The following PRELID2 variants were observed in gnomAD, a reference collection of about 807,000 sequenced individuals.
PRELID2 encodes PRELI domain-containing protein 2.
A neutral mutation model predicts 28.4 loss-of-function variants in PRELID2; 25 were observed. The ratio of observed to expected loss-of-function variants is 0.88; its 90% CI spans 0.64 to 1.23. The LOEUF (loss-of-function observed/expected upper bound fraction) is 1.23. Ranked by LOEUF, PRELID2 falls within the 50% of genes most tolerant of loss-of-function variation. The pLI is 0.00. For missense variants in PRELID2, 201 were observed against 214.4 expected (o/e 0.94, Z 0.39); for synonymous variants, 76 against 71.6 (o/e 1.06, Z -0.31).
intron 4 of PRELID2, among the ~76,000 whole-genome samples, chr5:145,815,794 C>A (rs910350839): frequency 6.6e-6 from 1 of 152,162 alleles, no homozygotes; most frequent in Non-Finnish European, 1.5e-5. Context: ...TTACATTGGG[C>A]TACATATTTA....
intron 5 of PRELID2, among the ~76,000 whole-genome samples, chr5:145,779,386 T>C (rs891663841): frequency 6.6e-6 from 1 of 152,138 alleles, no homozygotes; most frequent in African/African-American, 2.4e-5. Flanking sequence ...TTTCACATGG[T>C]GTCATTTATA....
intron 1 of PRELID2, among the ~76,000 whole-genome samples, chr5:145,669,024 T>C (rs951601110): frequency 6.6e-6 from 1 of 152,078 alleles, no homozygotes; most frequent in Non-Finnish European, 1.5e-5. Context: ...AGACAGAAAC[T>C]TTCCTCAGAC....
chr5:145,803,667 A>T lies in PRELID2; in HGVS notation c.369-7120T>A, dbSNP rs192849663. 1.5e-4 allele frequency among the ~76,000 whole-genome samples: 23 copies of T among 152,142 alleles called. No individual in the cohort carries two copies. In the East Asian group the frequency reaches 4.4e-3, roughly 29 times the overall value. On this transcript the variant is annotated intron_variant, in intron 4 of 6. Coordinates refer to ENST00000683046, the MANE Select transcript of PRELID2 (RefSeq NM_205846.3). ...GTGTAAGCACCCAACAAATGTGAGTAAACAGTACTAACATTAGTAATAATT... is the reference window on the plus strand; with the variant it reads ...GTGTAAGCACCCAACAAATGTGAGTTAACAGTACTAACATTAGTAATAATT...
chr5:145,422,374 C>G, the PRELID2 span, among the ~76,000 whole-genome samples: 6 of 152,096 alleles, frequency 3.9e-5, no homozygotes, highest in Admixed American at 3.9e-4. Flanking sequence ...GTCTAAGTCT[C>G]TTTGTAGGTC....
At chr5:145,354,392 G>A in the PRELID2 span, among the ~76,000 whole-genome samples, 7 of 152,100 alleles carry the variant, frequency 4.6e-5, no homozygotes, top group Non-Finnish European at 1.0e-4. Flanking sequence ...TGACAGAGGA[G>A]CTATGAGGTA....
Position 145,790,891 on chromosome 5 carries a change from G to GTATATATATATA in PRELID2, c.474+5539_474+5550dup, listed in dbSNP as rs3038407. Reference sequence around the variant, plus strand: ...ATTAATCCAGCAATTTCACTTCTGGGTATATATATATATATATATACCAAA... The same window carrying GTATATATATATA: ...ATTAATCCAGCAATTTCACTTCTGGGTATATATATATATATATATATATATATATATACCAAA... On this transcript the variant is annotated intron_variant, in intron 5 of 6. Transcript: ENST00000683046. 6.7e-4 allele frequency among the ~76,000 whole-genome samples: 95 copies of GTATATATATATA among 141,406 alleles called. No individual in the cohort carries two copies. The East Asian group carries it at 0.014, about 21-fold the overall frequency. 92.8% of individuals were successfully genotyped at this position (141,406 alleles called of 152,430 possible).
chr5:145,785,192 T>C (rs933862735), intron 5 of PRELID2, among the ~76,000 whole-genome samples: 4 of 152,184 alleles, frequency 2.6e-5, no homozygotes, highest in African/African-American at 9.7e-5. Flanking sequence ...AAAATGGGGT[T>C]TATGATCACT....
the PRELID2 span, among the ~76,000 whole-genome samples, chr5:145,357,379 G>A: frequency 6.6e-6 from 1 of 152,116 alleles, no homozygotes; most frequent in African/African-American, 2.4e-5. Flanking sequence ...ATGCCAATGA[G>A]TCATAGATTT....
chr5:145,566,559 G>A (rs148930785), intron 1 of PRELID2, among the ~76,000 whole-genome samples: 1 of 152,132 alleles, frequency 6.6e-6, no homozygotes, highest in African/African-American at 2.4e-5. Context: ...AGTGAAAAAG[G>A]CCCCACATGG....
chr5:145,774,544 A>C (rs1758295384), intron 5 of PRELID2, among the ~76,000 whole-genome samples: 1 of 152,206 alleles, frequency 6.6e-6, no homozygotes, highest in South Asian at 2.1e-4. Context: ...CTATCTGACT[A>C]GGGGCCCCTC....
At chr5:145,673,089 G>C (rs185390257) in intron 1 of PRELID2, among the ~76,000 whole-genome samples, 6 of 152,232 alleles carry the variant, frequency 3.9e-5, no homozygotes, top group Middle Eastern at 3.4e-3. Context: ...CTTTAGAAGA[G>C]AGAGAACCAC....
chr5:145,427,473 C>T, the PRELID2 span, among the ~76,000 whole-genome samples: 2 of 152,092 alleles, frequency 1.3e-5, no homozygotes, highest in Admixed American at 6.6e-5. Flanking sequence ...TTTAAACATA[C>T]CCCTTGGAAT....
At chr5:145,465,386 C>T in the PRELID2 span, among the ~76,000 whole-genome samples, 7 of 152,080 alleles carry the variant, frequency 4.6e-5, no homozygotes, top group African/African-American at 1.2e-4. Flanking sequence ...AAATTAAATG[C>T]GTAAGAGTTG....
At chr5:145,521,791 C>T (rs1343959565) in intron 1 of PRELID2, among the ~76,000 whole-genome samples, 1 of 152,052 alleles carries the variant, frequency 6.6e-6, no homozygotes, top group Non-Finnish European at 1.5e-5. Context: ...ACTTTACTTC[C>T]CCAATGCCAA....
chr5:145,261,005 G>A, the PRELID2 span, among the ~76,000 whole-genome samples: 4 of 152,166 alleles, frequency 2.6e-5, no homozygotes, highest in Admixed American at 1.3e-4. Flanking sequence ...CTTGTGGGCT[G>A]TGGGCTGCAT....
intron 1 of PRELID2, among the ~76,000 whole-genome samples, chr5:145,724,201 T>G (rs1344501644): frequency 6.6e-6 from 1 of 152,088 alleles, no homozygotes; most frequent in Non-Finnish European, 1.5e-5. Context: ...ACAGCTTCAG[T>G]AACGGTATAA....
intron 5 of PRELID2, among the ~76,000 whole-genome samples, chr5:145,770,248 T>C (rs1461845633): frequency 1.3e-5 from 2 of 152,028 alleles, no homozygotes; most frequent in Non-Finnish European, 2.9e-5. Flanking sequence ...AAATTAACTA[T>C]AGGGCCAGGC....
the PRELID2 span, among the ~76,000 whole-genome samples, chr5:145,344,769 T>A: frequency 3.3e-5 from 5 of 152,108 alleles, no homozygotes; most frequent in African/African-American, 9.7e-5. Flanking sequence ...TGTTCTCCAA[T>A]ATGCAAGTTT....
the PRELID2 span, among the ~76,000 whole-genome samples, chr5:145,302,238 C>A: frequency 6.6e-6 from 1 of 151,916 alleles, no homozygotes; most frequent in African/African-American, 2.4e-5. Context: ...TGGCTCACAT[C>A]AAGGCTTCTG....
Sources: gnomAD v4.1 joint callset for allele counts (sites outside exome capture counted in the v4.1 genomes callset) on GRCh38, gnomAD v4.1.1 for gene constraint, MANE v1.5 for transcripts, NCBI Gene and HGNC (gene_info 2026-07-23, HGNC 2026-07-21) for gene names.